BRD7: variants seen among roughly 807,000 people sequenced by gnomAD.
BRD7 encodes bromodomain-containing protein 7.
Under a neutral mutation model 82.1 loss-of-function variants are expected in BRD7, and 15 were observed. The ratio of observed to expected loss-of-function variants is 0.18; its 90% CI spans 0.12 to 0.28. The LOEUF is 0.28. BRD7 is among the 10% of genes least tolerant of loss of function. The pLI, the probability that BRD7 is intolerant of heterozygous loss-of-function variation, is 1.00. For synonymous variants in BRD7, 232 were observed against 266.9 expected, an observed-to-expected ratio of 0.87 and a Z score of 1.27; for missense variants, 638 against 779.9, an observed-to-expected ratio of 0.82 and a Z score of 2.17.
chr16:50,351,306 C>G (rs1428872509), intron 4 of BRD7, among the ~76,000 whole-genome samples: 1 of 152,184 alleles, frequency 6.6e-6, no homozygotes, highest in Non-Finnish European at 1.5e-5. Flanking sequence ...AAATCTGACT[C>G]AGGTCTATGT....
chr16:50,368,799 C>G lies in BRD7; in HGVS notation c.-25G>C. ...TGTCCGACCGGGCCCCGGTGCCCGCCCCCCGCGCCAGGCCCAGGCCGTGCG... is the reference window on the plus strand; with the variant it reads ...TGTCCGACCGGGCCCCGGTGCCCGCGCCCCGCGCCAGGCCCAGGCCGTGCG... On this transcript the variant is annotated 5_prime_UTR_variant, in exon 1 of 17. Coordinates refer to ENST00000394688, the MANE Select transcript of BRD7 (RefSeq NM_013263.5). 1 of 1,517,050 alleles carries G rather than the reference C, an allele frequency of 6.6e-7. No homozygotes were observed. The highest frequency in any genetic ancestry group is 8.8e-7 in the Non-Finnish European group (1 of 1,131,090). 94.0% of individuals were successfully genotyped at this position (1,517,050 alleles called of 1,614,324 possible). A position where few individuals can be genotyped will look rare whatever the true frequency, so the allele number is the denominator to read the frequency against.
intron 14 of BRD7, 21 bp from the exon 15 acceptor site, chr16:50,320,412 C>T (rs1247123131): frequency 6.2e-7 from 1 of 1,609,836 alleles, no homozygotes. Context: ...AGAAAACAGA[C>T]ACACTTCTGT....
intron 5 of BRD7, among the ~76,000 whole-genome samples, chr16:50,345,860 C>A (rs202042169): frequency 0.26 from 38,865 of 151,714 alleles, 5,394 homozygotes; most frequent in African/African-American, 0.36. Flanking sequence ...GACAGATCGA[C>A]GAGACAGAAA....
intron 2 of BRD7, among the ~76,000 whole-genome samples, chr16:50,357,757 T>C (rs1391036191): frequency 6.6e-6 from 1 of 151,830 alleles, no homozygotes; most frequent in East Asian, 1.9e-4. Flanking sequence ...GAGGCAGGTG[T>C]ACCACTTGAG....
Position 50,318,933 on chromosome 16 carries a change from T to C in BRD7, c.*278A>G, listed in dbSNP as rs1342052688. ...CCGTTTTAAGAACGCTTCTTAGTGATGATCCTGTCTGTGGGACATAAGGAA... is the reference window on the plus strand; with the variant it reads ...CCGTTTTAAGAACGCTTCTTAGTGACGATCCTGTCTGTGGGACATAAGGAA... On this transcript the variant is annotated 3_prime_UTR_variant, in exon 17 of 17. Coordinates refer to ENST00000394688, the MANE Select transcript of BRD7 (RefSeq NM_013263.5). 5.9e-6 allele frequency: 2 copies of C among 338,776 alleles called. No individual in the cohort carries two copies. Among genetic ancestry groups the C allele is most frequent in the Non-Finnish European group, 1.1e-5 (2 of 186,158 alleles). 21.0% of individuals were successfully genotyped at this position (338,776 alleles called of 1,614,324 possible). A position where few individuals can be genotyped will look rare whatever the true frequency, so the allele number is the denominator to read the frequency against.
chr16:50,348,440 AC>A (rs1200783925), intron 5 of BRD7, among the ~76,000 whole-genome samples: 5 of 152,252 alleles, frequency 3.3e-5, no homozygotes, highest in African/African-American at 1.2e-4. Flanking sequence ...GAGCTTCTGC[AC>A]AGCAAAAGAA....
rs140667344 is a variant in BRD7 at position 50,352,504 on chromosome 16, A to G, written c.446+1921T>C. ...TACTATGAATAGCACTGCAATTAAC[A>G]CAAGAGTACAGGTATCTCCTGGACA... On this transcript the variant is annotated intron_variant, in intron 4 of 16. Coordinates refer to ENST00000394688, the MANE Select transcript of BRD7 (RefSeq NM_013263.5). Among the ~76,000 whole-genome samples the G allele has an allele frequency of 9.0e-3, 1,374 of 152,308 alleles. 22 individuals are homozygous for G. Among genetic ancestry groups the G allele is most frequent in the African/African-American group, 0.031 (1,303 of 41,566 alleles).
chr16:50,350,945 T>G (rs185658782), intron 4 of BRD7, among the ~76,000 whole-genome samples: 1 of 152,294 alleles, frequency 6.6e-6, no homozygotes, highest in Non-Finnish European at 1.5e-5. Flanking sequence ...CAGATGAGTA[T>G]TGGCATTGGG....
intron 12 of BRD7, 132 bp downstream of exon 12, chr16:50,323,455 C>T (rs527955926): frequency 1.5e-5 from 11 of 725,590 alleles, no homozygotes; most frequent in East Asian, 2.7e-5. Flanking sequence ...GGCCTCCAGC[C>T]GGGCTGGGCT....
At position 50,360,935 on chromosome 16, in the gene BRD7, CA is replaced by C. The variant is rs558496867; in HGVS notation, c.259-6014del. ...GGGTTTTCTGCCAAGGCAGATAAGC[CA>C]CAACAGCCCAGAGATGCCAGGTGTG... On this transcript the variant is annotated intron_variant, in intron 2 of 16. Coordinates refer to ENST00000394688, the MANE Select transcript of BRD7 (RefSeq NM_013263.5). Among the ~76,000 whole-genome samples, 24 of 152,250 alleles carry C rather than the reference CA, an allele frequency of 1.6e-4. No individual in the cohort carries two copies. In the East Asian group the frequency reaches 3.5e-3, roughly 22 times the overall value.
intron 5 of BRD7, among the ~76,000 whole-genome samples, chr16:50,348,854 C>T (rs1204238956): frequency 6.6e-6 from 1 of 152,172 alleles, no homozygotes; most frequent in Non-Finnish European, 1.5e-5. Context: ...GTGGCGATTC[C>T]TCAAGGATCT....
At chr16:50,353,087 T>TTA (rs949119470) in intron 4 of BRD7, among the ~76,000 whole-genome samples, 1 of 142,136 alleles carries the variant, frequency 7.0e-6, no homozygotes, top group African/African-American at 2.6e-5. Flanking sequence ...TTTTTTTTTT[T>TTA]AGAAAAGATC....
At chr16:50,364,709 G>A (rs1203573689) in intron 2 of BRD7, among the ~76,000 whole-genome samples, 1 of 152,178 alleles carries the variant, frequency 6.6e-6, no homozygotes, top group East Asian at 1.9e-4. Flanking sequence ...TCTTACACAA[G>A]TGTACAAAGA....
At chr16:50,368,324 G>A (rs1024201125) in intron 1 of BRD7, 26 bp from the exon 2 acceptor site, 4 of 1,607,238 alleles carry the variant, frequency 2.5e-6, no homozygotes, top group Non-Finnish European at 1.7e-6. Flanking sequence ...GAAAAGAAAG[G>A]AAAGCGCGTC....
intron 6 of BRD7, among the ~76,000 whole-genome samples, chr16:50,338,141 A>G (rs1213427234): frequency 3.9e-5 from 6 of 152,220 alleles, no homozygotes; most frequent in Non-Finnish European, 7.3e-5. Flanking sequence ...TTTACTTCAA[A>G]TACATTAACA....
Position 50,340,193 on chromosome 16 carries a change from CCTTT to C in BRD7, c.592-111_592-108del, listed in dbSNP as rs577874389. 77 of 541,020 alleles carry C rather than the reference CCTTT, an allele frequency of 1.4e-4. 1 individual carries two copies. The highest frequency in any genetic ancestry group is 1.1e-3 in the African/African-American group (58 of 50,488). 33.5% of individuals were successfully genotyped at this position (541,020 alleles called of 1,614,324 possible). A position where few individuals can be genotyped will look rare whatever the true frequency, so the allele number is the denominator to read the frequency against. ...CTCTAAAAATTTAAAAAGCAACATC[CCTTT>C]CTTTATTTACTAAACAATACTAACA... is the stretch of plus-strand genomic sequence containing the variant. On this transcript the variant is annotated intron_variant, in intron 5 of 16. Transcript: ENST00000394688.
At chr16:50,347,521 A>G (rs2038338535) in intron 5 of BRD7, among the ~76,000 whole-genome samples, 1 of 152,224 alleles carries the variant, frequency 6.6e-6, no homozygotes, top group African/African-American at 2.4e-5. Flanking sequence ...CCATCGTCTC[A>G]GCCCAAAATC....
At position 50,318,697 on chromosome 16, in the gene BRD7, C is replaced by T; in HGVS notation, c.*514G>A. 6.5e-6 allele frequency: 1 copy of T among 152,772 alleles called. No homozygotes were observed. Among genetic ancestry groups the T allele is most frequent in the Non-Finnish European group, 1.5e-5 (1 of 68,524 alleles). 9.5% of individuals were successfully genotyped at this position (152,772 alleles called of 1,614,324 possible). ...CTATAGTACTAAGTAACTCCTCTTTCTTTAAAAAACGGAAAAAACCAAAAA... is the reference window on the plus strand; with the variant it reads ...CTATAGTACTAAGTAACTCCTCTTTTTTTAAAAAACGGAAAAAACCAAAAA... On this transcript the variant is annotated 3_prime_UTR_variant, in exon 17 of 17. Coordinates refer to ENST00000394688, the MANE Select transcript of BRD7 (RefSeq NM_013263.5).
chr16:50,363,670 CGCGTGCGCGTGT>C (rs2039025852), intron 2 of BRD7, among the ~76,000 whole-genome samples: 1 of 61,650 alleles, frequency 1.6e-5, no homozygotes, highest in African/African-American at 3.3e-5. Context: ...TGCGCGCGCG[CGCGTGCGCGTGT>C]GCTTCCCCCA....
Sources: allele counts gnomAD v4.1 joint callset (sites outside exome capture counted in the v4.1 genomes callset), GRCh38; gene constraint gnomAD v4.1.1; transcripts MANE v1.5; gene names NCBI Gene and HGNC (gene_info 2026-07-23, HGNC 2026-07-21).